The following LGALS1 variants were observed in gnomAD, a reference collection of about 807,000 sequenced individuals.
LGALS1 encodes the protein galectin-1.
In LGALS1, 14 loss-of-function variants were observed where a neutral mutation model predicts 14.4. The observed-to-expected ratio is 0.97, with a 90% confidence interval of 0.64 to 1.52. LGALS1 has a LOEUF of 1.52. Among genes scored for constraint, LGALS1 ranks in the 40% most tolerant of loss-of-function variants. LGALS1 has a pLI of 0.00. For missense variants in LGALS1, 170 were observed against 181.4 expected (o/e 0.94, Z 0.36); for synonymous variants, 71 against 73.4 (o/e 0.97, Z 0.17).
intron 3 of LGALS1, among the ~76,000 whole-genome samples, chr22:37,678,963 C>T (rs1343560796): frequency 6.6e-6 from 1 of 151,576 alleles, no homozygotes. Flanking sequence ...AACCCTGTCT[C>T]GACTAAAAAT....
At chr22:37,678,699 G>T (rs1306718309) in intron 3 of LGALS1, 45 bp downstream of exon 3, 1 of 1,448,090 alleles carries the variant, frequency 6.9e-7, no homozygotes, top group African/African-American at 1.4e-5. Flanking sequence ...GGGGCTGGGT[G>T]GGCTGGGGCG....
chr22:37,679,490 G>A, intron 3 of LGALS1, 113 bp from the exon 4 acceptor site: 1 of 813,626 alleles, frequency 1.2e-6, no homozygotes, highest in Non-Finnish European at 1.8e-6. Context: ...TATTATAAAT[G>A]TACCTCCGCA....
chr22:37,677,244 G>GC (rs1192566470), intron 2 of LGALS1, 179 bp downstream of exon 2: 2 of 616,508 alleles, frequency 3.2e-6, no homozygotes, highest in Non-Finnish European at 5.7e-6. Context: ...CACCGTTGCC[G>GC]CCCCCTCCCC....
At chr22:37,679,131 CAAA>C (rs66507477) in intron 3 of LGALS1, among the ~76,000 whole-genome samples, 3 of 103,568 alleles carry the variant, frequency 2.9e-5, no homozygotes, top group Non-Finnish European at 3.9e-5. Flanking sequence ...AACTCTGTCT[CAAA>C]AAAAAAAAAA....
chr22:37,678,992 G>A lies in LGALS1; in HGVS notation c.261+338G>A, dbSNP rs111783581. ...TAAAAATACAAAAAATTAGCTAGGC[G>A]TGATGGCGCATGCCTGTAATCCCAG... On this transcript the variant is annotated intron_variant, in intron 3 of 3. Transcript: ENST00000215909. 3.3e-3 allele frequency among the ~76,000 whole-genome samples: 506 copies of A among 151,984 alleles called. 2 individuals carry two copies. The highest frequency in any genetic ancestry group is 0.012 in the African/African-American group (482 of 41,438).
At chr22:37,678,112 C>T (rs1227069051) in intron 2 of LGALS1, among the ~76,000 whole-genome samples, 3 of 152,102 alleles carry the variant, frequency 2.0e-5, no homozygotes, top group Non-Finnish European at 2.9e-5. Flanking sequence ...TTTGTTAATT[C>T]GCCCCATAAT....
chr22:37,676,655 C>T lies in LGALS1; in HGVS notation c.10-331C>T, dbSNP rs60480884. Reference sequence around the variant, plus strand: ...GGCCCCTCCCCAGCCTGATCCTCTCCATCTGCGATGGGACAGAGCACCCCA... The same window carrying T: ...GGCCCCTCCCCAGCCTGATCCTCTCTATCTGCGATGGGACAGAGCACCCCA... On this transcript the variant is annotated intron_variant, in intron 1 of 3. Transcript: ENST00000215909. Among the ~76,000 whole-genome samples, 492 of 152,162 alleles carry T rather than the reference C, an allele frequency of 3.2e-3. 2 individuals carry two copies. Among genetic ancestry groups the T allele is most frequent in the African/African-American group, 0.011 (467 of 41,518 alleles).
chr22:37,676,942 G>A (rs1177710098), intron 1 of LGALS1, 44 bp from the exon 2 acceptor site: 4 of 1,607,002 alleles, frequency 2.5e-6, no homozygotes, highest in East Asian at 2.2e-5. Context: ...GAGCAGTGGA[G>A]GCCTTGTCCT....
At chr22:37,679,565 G>T (rs1203188772) in intron 3 of LGALS1, 38 bp from the exon 4 acceptor site, 2 of 1,538,252 alleles carry the variant, frequency 1.3e-6, no homozygotes, top group Admixed American at 1.9e-5. Context: ...AGGGCCCATG[G>T]CATGTGGGCC....
At position 37,678,636 on chromosome 22, in the gene LGALS1, G is replaced by T. The variant is rs756935016; in HGVS notation, c.243G>T (p.Gln81His). ...AGCGGGAGGCTGTCTTTCCCTTCCAGCCTGGAAGTGTTGCAGAGGTGGGCT... is the reference window on the plus strand; with the variant it reads ...AGCGGGAGGCTGTCTTTCCCTTCCATCCTGGAAGTGTTGCAGAGGTGGGCT... ...TEQREAVFPFQPGSVAEVCIT... is the reference protein window; with the variant it reads ...TEQREAVFPFHPGSVAEVCIT... Residue 81 changes from glutamine to histidine, a missense_variant, in exon 3 of 4, where the codon CAG becomes CAT. By Grantham distance (24) the Gln-to-His change is conservative (BLOSUM62 0). Coordinates refer to ENST00000215909, the MANE Select transcript of LGALS1 (RefSeq NM_002305.4). 6.3e-7 allele frequency: 1 copy of T among 1,598,694 alleles called. No individual in the cohort carries two copies. Among genetic ancestry groups the T allele is most frequent in the South Asian group, 1.1e-5 (1 of 90,312 alleles).
chr22:37,678,928 G>A (rs1315840219), intron 3 of LGALS1, among the ~76,000 whole-genome samples: 2 of 152,072 alleles, frequency 1.3e-5, no homozygotes, highest in Non-Finnish European at 2.9e-5. Flanking sequence ...TCGGGAGTTC[G>A]AGACCAGCCT....
chr22:37,679,239 C>T (rs1369015931), intron 3 of LGALS1, among the ~76,000 whole-genome samples: 2 of 151,756 alleles, frequency 1.3e-5, no homozygotes, highest in Non-Finnish European at 2.9e-5. Flanking sequence ...CGAGACCAGC[C>T]TGACCAACAT....
intron 3 of LGALS1, 47 bp downstream of exon 3, chr22:37,678,701 G>T: frequency 7.2e-7 from 1 of 1,398,566 alleles, no homozygotes. Context: ...GGCTGGGTGG[G>T]CTGGGGCGGG....
At chr22:37,678,389 C>A (rs1601602205) in intron 2 of LGALS1, 94 bp from the exon 3 acceptor site, 1 of 1,382,530 alleles carries the variant, frequency 7.2e-7, no homozygotes, top group Non-Finnish European at 1.0e-6. Flanking sequence ...GTTCTTCCAG[C>A]AAGGTGCGTT....
intron 2 of LGALS1, among the ~76,000 whole-genome samples, chr22:37,677,845 C>T (rs1464766828): frequency 6.6e-6 from 1 of 152,034 alleles, no homozygotes; most frequent in Non-Finnish European, 1.5e-5. Flanking sequence ...AGTGCAATGG[C>T]GTGATCTCGG....
rs747864962 is a variant in LGALS1 at position 37,678,486 on chromosome 22, C to A, written c.93C>A (p.Phe31Leu). Residue 31 changes from phenylalanine (F) to leucine (L), a missense_variant, in exon 3 of 4, where the codon TTC becomes TTA. Transcript: ENST00000215909. ...RGEVAPDAKS[F>L]VLNLGKDSNN... ...ATGCCCACCCGTTACCCCCCAGCTT[C>A]GTGCTGAACCTGGGCAAAGACAGCA... 6 of 1,613,390 alleles carry A rather than the reference C, an allele frequency of 3.7e-6. No individual in the cohort carries two copies. In the East Asian group the frequency reaches 1.3e-4, roughly 36 times the overall value.
rs775115288 is a variant in LGALS1 at position 37,676,908 on chromosome 22, C to T, written c.10-78C>T. Reference sequence around the variant, plus strand: ...CCGGGCGGGAACAACCCCACTCCCACCCCCAGCCACCCCCGGACACTTCGA... The same window carrying T: ...CCGGGCGGGAACAACCCCACTCCCATCCCCAGCCACCCCCGGACACTTCGA... On this transcript the variant is annotated intron_variant, in intron 1 of 3. Coordinates refer to ENST00000215909, the MANE Select transcript of LGALS1 (RefSeq NM_002305.4). The T allele has an allele frequency of 6.8e-6, 10 of 1,480,890 alleles. No individual in the cohort carries two copies. The Admixed American group carries it at 1.7e-4, about 26-fold the overall frequency. 91.7% of individuals were successfully genotyped at this position (1,480,890 alleles called of 1,614,324 possible).
chr22:37,676,904 C>A, intron 1 of LGALS1, 82 bp from the exon 2 acceptor site: 2 of 1,442,956 alleles, frequency 1.4e-6, no homozygotes, highest in Non-Finnish European at 1.9e-6. Flanking sequence ...CAACCCCACT[C>A]CCACCCCCAG....
intron 2 of LGALS1, chr22:37,677,344 G>T (rs570720600): frequency 4.4e-6 from 2 of 450,536 alleles, no homozygotes; most frequent in African/African-American, 2.0e-5. Context: ...ACCCCTTTCC[G>T]GTCTGGGCGG....
Sources: allele counts gnomAD v4.1 joint callset (sites outside exome capture counted in the v4.1 genomes callset), GRCh38; gene constraint gnomAD v4.1.1; transcripts MANE v1.5; gene names NCBI Gene and HGNC (gene_info 2026-07-23, HGNC 2026-07-21).